Variants in METTL24 observed in about 807,000 individuals in gnomAD.
The protein encoded by METTL24 is probable methyltransferase-like protein 24.
In METTL24, 29 loss-of-function variants were observed where a neutral mutation model predicts 32.7. The ratio of observed to expected loss-of-function variants is 0.89; its 90% CI spans 0.66 to 1.21. METTL24 has a LOEUF of 1.21. Among genes scored for constraint, METTL24 ranks in the 50% most tolerant of loss-of-function variants. The probability of loss-of-function intolerance (pLI) is 0.00; values close to 1 mark genes in which losing one functional copy is unlikely to be tolerated. For missense variants in METTL24, 439 were observed against 468.1 expected (o/e 0.94, Z 0.57); for synonymous variants, 163 against 179.5 (o/e 0.91, Z 0.73).
At chr6:110,285,761 C>A (rs796780110) in intron 4 of METTL24, among the ~76,000 whole-genome samples, 1 of 152,196 alleles carries the variant, frequency 6.6e-6, no homozygotes, top group Admixed American at 6.5e-5. Context: ...CAAAGGGAAA[C>A]GCAGGTAACT....
intron 1 of METTL24, among the ~76,000 whole-genome samples, chr6:110,347,435 A>G (rs1772499259): frequency 6.6e-6 from 1 of 152,264 alleles, no homozygotes; most frequent in African/African-American, 2.4e-5. Context: ...TATATTCTGC[A>G]TAAAACCATG....
At chr6:110,254,180 T>C (rs1329345884) in intron 4 of METTL24, 2 of 358,800 alleles carry the variant, frequency 5.6e-6, no homozygotes, top group African/African-American at 4.2e-5. Flanking sequence ...TGGATGATGT[T>C]ACAAACTGAT....
intron 3 of METTL24, among the ~76,000 whole-genome samples, chr6:110,313,201 A>G (rs1486525508): frequency 2.0e-5 from 3 of 152,240 alleles, no homozygotes; most frequent in African/African-American, 7.2e-5. Flanking sequence ...CATAAATTTT[A>G]TATTTCAAAA....
At chr6:110,283,528 G>A (rs1045135921) in intron 4 of METTL24, among the ~76,000 whole-genome samples, 3 of 152,192 alleles carry the variant, frequency 2.0e-5, no homozygotes, top group African/African-American at 4.8e-5. Context: ...TAATGACCAA[G>A]GGTCTGGATG....
intron 4 of METTL24, among the ~76,000 whole-genome samples, chr6:110,294,806 A>G (rs1220952034): frequency 6.6e-6 from 1 of 152,102 alleles, no homozygotes; most frequent in East Asian, 1.9e-4. Context: ...TATTTCTAGG[A>G]ATAAAAACTG....
chr6:110,302,568 C>CACACACATGTGTATATATACACAT (rs1562230951), intron 3 of METTL24, among the ~76,000 whole-genome samples: 1 of 95,948 alleles, frequency 1.0e-5, no homozygotes, highest in Admixed American at 9.5e-5. Flanking sequence ...TATATACACA[C>CACACACATGTGTATATATACACAT]ATACACACAC....
At chr6:110,314,156 C>A (rs1748604035) in intron 3 of METTL24, among the ~76,000 whole-genome samples, 1 of 152,056 alleles carries the variant, frequency 6.6e-6, no homozygotes, top group South Asian at 2.1e-4. Flanking sequence ...AATGTAGACT[C>A]TAGAGGTGAT....
rs919162950 is a variant in METTL24, at chr6:110,244,931, T to C, written c.*1015A>G. On this transcript the variant is annotated 3_prime_UTR_variant, in exon 5 of 5. Transcript: ENST00000338882. ...CCAGATGGAAACCAGAATATGTGAG[T>C]CAAGAAAATGGTGAAACATGCCAGT... Among the ~76,000 whole-genome samples the C allele has an allele frequency of 1.3e-5, 2 of 151,870 alleles. No homozygotes were observed. Among genetic ancestry groups the C allele is most frequent in the Admixed American group, 1.3e-4 (2 of 15,230 alleles).
intron 1 of METTL24, among the ~76,000 whole-genome samples, chr6:110,323,755 G>A (rs1331443595): frequency 6.6e-6 from 1 of 152,106 alleles, no homozygotes; most frequent in Non-Finnish European, 1.5e-5. Context: ...GGGAAGGGCT[G>A]GGGGAAGGGA....
At chr6:110,325,358 G>A (rs1341595720) in intron 1 of METTL24, among the ~76,000 whole-genome samples, 2 of 152,190 alleles carry the variant, frequency 1.3e-5, no homozygotes, top group African/African-American at 4.8e-5. Flanking sequence ...TCCTGTTGTA[G>A]CTCAAAAGCA....
chr6:110,262,373 T>C (rs973656130), intron 4 of METTL24, among the ~76,000 whole-genome samples: 4 of 152,012 alleles, frequency 2.6e-5, no homozygotes, highest in Admixed American at 6.6e-5. Context: ...CTAGAAGAAA[T>C]GGATAAATTC....
chr6:110,329,465 A>G (rs1772074360), intron 1 of METTL24, among the ~76,000 whole-genome samples: 1 of 145,496 alleles, frequency 6.9e-6, no homozygotes, highest in South Asian at 2.3e-4. Flanking sequence ...GGCAGGAAAC[A>G]ATGACTGAAG....
intron 4 of METTL24, among the ~76,000 whole-genome samples, chr6:110,272,911 G>A (rs772220516): frequency 6.6e-6 from 1 of 152,016 alleles, no homozygotes; most frequent in Non-Finnish European, 1.5e-5. Flanking sequence ...CCACTCTGTG[G>A]GTTGTCTGTT....
At chr6:110,273,287 T>G (rs1770989395) in intron 4 of METTL24, among the ~76,000 whole-genome samples, 1 of 152,204 alleles carries the variant, frequency 6.6e-6, no homozygotes, top group Admixed American at 6.5e-5. Flanking sequence ...GTATTTGGCT[T>G]TATTTCTAGG....
At chr6:110,296,791 G>C (rs1438868864) in intron 4 of METTL24, among the ~76,000 whole-genome samples, 3 of 152,184 alleles carry the variant, frequency 2.0e-5, no homozygotes, top group African/African-American at 7.2e-5. Flanking sequence ...GCTGACATTT[G>C]TTAGCGTGTT....
intron 3 of METTL24, among the ~76,000 whole-genome samples, chr6:110,301,403 C>T (rs1472786060): frequency 6.6e-6 from 1 of 152,216 alleles, no homozygotes; most frequent in Non-Finnish European, 1.5e-5. Flanking sequence ...AAGAGTCCTT[C>T]CCTGCCCCTT....
At chr6:110,348,675 C>T (rs781482577) in intron 1 of METTL24, among the ~76,000 whole-genome samples, 11 of 152,234 alleles carry the variant, frequency 7.2e-5, no homozygotes, top group Non-Finnish European at 1.6e-4. Context: ...GTTTGGAGGT[C>T]GTTCAACCAG....
chr6:110,322,538 A>G (rs1771946266), intron 2 of METTL24, among the ~76,000 whole-genome samples: 1 of 152,224 alleles, frequency 6.6e-6, no homozygotes, highest in Admixed American at 6.5e-5. Context: ...GGGATGAATC[A>G]TTTAAACATT....
chr6:110,261,689 A>G (rs1770733919), intron 4 of METTL24, among the ~76,000 whole-genome samples: 1 of 152,222 alleles, frequency 6.6e-6, no homozygotes, highest in Admixed American at 6.5e-5. Flanking sequence ...CACCACACTT[A>G]TTCCAAAACT....
Sources: allele counts gnomAD v4.1 joint callset (sites outside exome capture counted in the v4.1 genomes callset), GRCh38; gene constraint gnomAD v4.1.1; transcripts MANE v1.5; gene names NCBI Gene and HGNC (gene_info 2026-07-23, HGNC 2026-07-21).